EHMT1: variants seen among roughly 807,000 people sequenced by gnomAD.
EHMT1 encodes the protein histone-lysine N-methyltransferase EHMT1.
In EHMT1, 15 loss-of-function variants were observed where a neutral mutation model predicts 147.2. The ratio of observed to expected loss-of-function variants is 0.10; its 90% CI spans 0.07 to 0.16. The LOEUF (loss-of-function observed/expected upper bound fraction) is 0.16, where lower values mean the gene tolerates loss of function less well. Among genes scored for constraint, EHMT1 ranks in the 10% least tolerant of loss-of-function variants. The probability of loss-of-function intolerance (pLI) is 1.00; values close to 1 mark genes in which losing one functional copy is unlikely to be tolerated. For synonymous variants in EHMT1, 795 were observed against 709.6 expected (o/e 1.12, Z -1.91); for missense variants, 1,587 against 1,772.4 (o/e 0.90, Z 1.88).
intron 4 of EHMT1, among the ~76,000 whole-genome samples, chr9:137,741,847 G>A (rs1948112699): frequency 6.6e-6 from 1 of 152,166 alleles, no homozygotes; most frequent in Non-Finnish European, 1.5e-5. Flanking sequence ...ATGTTCAAAA[G>A]TTGGCTGTAT....
intron 9 of EHMT1, among the ~76,000 whole-genome samples, chr9:137,760,351 A>G (rs1949708967): frequency 6.6e-6 from 1 of 152,196 alleles, no homozygotes; most frequent in African/African-American, 2.4e-5. Context: ...GTGGTAGGAC[A>G]GTTATCTCAC....
intron 14 of EHMT1, among the ~76,000 whole-genome samples, chr9:137,781,310 ACTGAGATGTGTGGTGATGACG>A (rs1231526201): frequency 5.5e-5 from 5 of 90,914 alleles, no homozygotes; most frequent in Non-Finnish European, 4.2e-5. Flanking sequence ...TGACGGCATC[ACTGAGATGTGTGGTGATGACG>A]CTGAGACGTG....
At chr9:137,823,587 A>G in intron 25 of EHMT1, 1 of 233,654 alleles carries the variant, frequency 4.3e-6, no homozygotes, top group South Asian at 3.5e-5. Context: ...AATTTTTTGT[A>G]TTTTTAGTAG....
chr9:137,723,763 A>G (rs1401556242), intron 3 of EHMT1, among the ~76,000 whole-genome samples: 1 of 152,244 alleles, frequency 6.6e-6, no homozygotes, highest in Non-Finnish European at 1.5e-5. Flanking sequence ...AAGTCATTCC[A>G]GTGATAAAAC....
chr9:137,705,733 G>C (rs1020196882), intron 1 of EHMT1, among the ~76,000 whole-genome samples: 3 of 152,204 alleles, frequency 2.0e-5, no homozygotes, highest in African/African-American at 7.2e-5. Context: ...TGTCCTCCCA[G>C]GGTAGGTTTG....
Position 137,834,533 on chromosome 9 carries a change from C to A in EHMT1, c.3716+9C>A. 6.2e-7 allele frequency: 1 copy of A among 1,609,102 alleles called. No homozygotes were observed. ...GCCGGCGAGCAGCTCGGGTACGCACCGCCCCGGCCCCTGGCCATCTCCGCT... is the reference window on the plus strand; with the variant it reads ...GCCGGCGAGCAGCTCGGGTACGCACAGCCCCGGCCCCTGGCCATCTCCGCT... On this transcript the variant is annotated intron_variant, in intron 26 of 26. Transcript: ENST00000460843.
rs947655194 is a variant in EHMT1 at position 137,830,502 on chromosome 9, C to A, written c.3541-3847C>A. Among the ~76,000 whole-genome samples, 44 of 152,144 alleles carry A rather than the reference C, an allele frequency of 2.9e-4. 1 individual carries two copies. Among genetic ancestry groups the A allele is most frequent in the Admixed American group, 2.9e-3 (44 of 15,282 alleles). The stretch of plus-strand genomic sequence containing the variant: ...ACAGTGTAGAGTTTTTATCCAACTT[C>A]TTTGATTTTATATTTGCATCTCTTA... On this transcript the variant is annotated intron_variant, in intron 25 of 26. Coordinates refer to ENST00000460843, the MANE Select transcript of EHMT1 (RefSeq NM_024757.5).
intron 1 of EHMT1, among the ~76,000 whole-genome samples, chr9:137,655,684 G>T (rs534532283): frequency 6.6e-6 from 1 of 152,156 alleles, no homozygotes; most frequent in South Asian, 2.1e-4. Context: ...CCTGAGTTCT[G>T]CCTCTGCCAG....
intron 1 of EHMT1, among the ~76,000 whole-genome samples, chr9:137,681,703 C>T (rs1181270639): frequency 3.3e-5 from 5 of 152,022 alleles, no homozygotes; most frequent in South Asian, 2.1e-4. Flanking sequence ...CAGCTGGTGC[C>T]GAGGCATCCG....
intron 1 of EHMT1, among the ~76,000 whole-genome samples, chr9:137,675,802 T>TTTTTTTTG (rs35541714): frequency 9.5e-6 from 1 of 104,720 alleles, no homozygotes; most frequent in African/African-American, 4.2e-5. Context: ...TTTTTTTTTT[T>TTTTTTTTG]AGACGGAGTC....
In EHMT1 at chr9:137,811,447, TTG is replaced by T. The variant is rs1295697753; in HGVS notation, c.2713-10_2713-9del. 5 of 1,612,008 alleles carry T rather than the reference TTG, an allele frequency of 3.1e-6. No homozygotes were observed. The highest frequency in any genetic ancestry group is 2.7e-5 in the African/African-American group (2 of 74,930). On this transcript the variant is annotated splice_polypyrimidine_tract_variant and intron_variant, in intron 18 of 26. Transcript: ENST00000460843. The stretch of plus-strand genomic sequence containing the variant: ...CAGGAAGCCTGCACTGAGCTCTGGC[TTG>T]TGTCTGTTCAGGAGGAGAACATTTG...
intron 1 of EHMT1, among the ~76,000 whole-genome samples, chr9:137,638,740 C>T (rs994128295): frequency 1.4e-5 from 2 of 143,650 alleles, no homozygotes; most frequent in African/African-American, 2.5e-5. Context: ...TACGTGTCCT[C>T]ATAAAAAAAA....
intron 17 of EHMT1, 55 bp downstream of exon 17, chr9:137,798,969 C>A: frequency 7.2e-7 from 1 of 1,397,162 alleles, no homozygotes; most frequent in Non-Finnish European, 1.0e-6. Flanking sequence ...TACGGAAACT[C>A]ACTGTTCTGC....
Position 137,716,676 on chromosome 9 carries a change from G to A in EHMT1, c.136G>A (p.Ala46Thr), listed in dbSNP as rs376692351. The change falls in exon 3 of 27, where the codon GCC becomes ACC. Residue 46 changes from alanine (A) to threonine (T), a missense_variant. Around this residue, in one of 7 missense-constraint regions of EHMT1, gnomAD observed 810 missense variants for 673.0 expected, o/e 1.20. Transcript: ENST00000460843. ...EGSAEKQAGE[A>T]HMAADGETNG... Reference sequence around the variant, plus strand: ...CTCAGCAGAGAAACAGGCAGGAGAGGCCCACATGGCTGCGGACGGTGAGAC... The same window carrying A: ...CTCAGCAGAGAAACAGGCAGGAGAGACCCACATGGCTGCGGACGGTGAGAC... 2 of 1,602,128 alleles carry A rather than the reference G, an allele frequency of 1.2e-6. No individual in the cohort carries two copies. Among genetic ancestry groups the A allele is most frequent in the Middle Eastern group, 1.7e-4 (1 of 6,028 alleles).
At chr9:137,773,873 G>A (rs980770236) in intron 10 of EHMT1, among the ~76,000 whole-genome samples, 1 of 152,056 alleles carries the variant, frequency 6.6e-6, no homozygotes, top group Non-Finnish European at 1.5e-5. Flanking sequence ...TTTTTGGGGG[G>A]GCTACTTCTT....
chr9:137,629,819 C>T (rs13286765), intron 1 of EHMT1, among the ~76,000 whole-genome samples: 22,480 of 152,146 alleles, frequency 0.15, 1,969 homozygotes, highest in Admixed American at 0.29. Flanking sequence ...CATGAGCCAC[C>T]GCACCCGGCT....
chr9:137,691,309 T>TTATATATATA (rs543280328), intron 1 of EHMT1, among the ~76,000 whole-genome samples: 84 of 147,602 alleles, frequency 5.7e-4, no homozygotes, highest in African/African-American at 2.0e-3. Context: ...ATATATGTAA[T>TTATATATATA]TATATATATA....
intron 1 of EHMT1, among the ~76,000 whole-genome samples, chr9:137,642,143 A>G (rs1011870828): frequency 4.6e-5 from 7 of 152,100 alleles, no homozygotes; most frequent in Non-Finnish European, 7.4e-5. Flanking sequence ...CCCGGCCCCA[A>G]ATTTTTTAAT....
At chr9:137,738,668 C>A (rs7848648) in intron 4 of EHMT1, 2 of 152,236 alleles carry the variant, frequency 1.3e-5, no homozygotes, top group Admixed American at 1.3e-4. Context: ...GCGAACGGAT[C>A]AGCAAAGTGT....
Sources: gnomAD v4.1 joint callset for allele counts (sites outside exome capture counted in the v4.1 genomes callset) on GRCh38, gnomAD v4.1.1 for gene constraint, gnomAD v4.1.1 regional missense constraint, MANE v1.5 for transcripts, NCBI Gene and HGNC (gene_info 2026-07-23, HGNC 2026-07-21) for gene names.